ACP3: variants seen among roughly 807,000 people sequenced by gnomAD.
ACP3 encodes the protein prostatic acid phosphatase.
A neutral mutation model predicts 45.6 loss-of-function variants in ACP3; 38 were observed. That is an observed-to-expected ratio of 0.83 (90% CI 0.64 to 1.09). ACP3 has a LOEUF of 1.09. ACP3 is among the 50% of genes least tolerant of loss of function. ACP3 has a pLI of 0.00. For missense variants in ACP3, 466 were observed against 463.2 expected (o/e 1.01, Z -0.05); for synonymous variants, 162 against 164.7 (o/e 0.98, Z 0.13).
At chr3:132,361,985 T>C (rs1938048635), downstream of ACP3, among the ~76,000 whole-genome samples, 1 of 152,170 alleles carries the variant, frequency 6.6e-6, no homozygotes, top group East Asian at 1.9e-4. Flanking sequence ...CAAAACACCA[T>C]CAAGTGCTTA....
At chr3:132,351,656 T>C (rs1366853325) in intron 8 of ACP3, among the ~76,000 whole-genome samples, 2 of 152,128 alleles carry the variant, frequency 1.3e-5, no homozygotes, top group Non-Finnish European at 2.9e-5. Flanking sequence ...ATTTTCGTAG[T>C]GTCTAATCTG....
intron 2 of ACP3, among the ~76,000 whole-genome samples, chr3:132,330,366 G>A (rs1937378751): frequency 6.6e-6 from 1 of 152,100 alleles, no homozygotes; most frequent in Admixed American, 6.6e-5. Flanking sequence ...TTTAAAGTGT[G>A]GTCCCTGGAC....
rs1303324981 is a variant in ACP3 at position 132,328,070 on chromosome 3, G to C, written c.121-197G>C. Among the ~76,000 whole-genome samples the C allele has an allele frequency of 2.0e-5, 3 of 151,884 alleles. 1 individual carries two copies. Among genetic ancestry groups the C allele is most frequent in the African/African-American group, 7.3e-5 (3 of 41,300 alleles). ...AGATTTTTTAAATCCTGATGTCCTG[G>C]CCACATCCCAGACTAATTAAATAAA... is the stretch of plus-strand genomic sequence containing the variant. On this transcript the variant is annotated intron_variant, in intron 1 of 9. Coordinates refer to ENST00000336375, the MANE Select transcript of ACP3 (RefSeq NM_001099.5).
downstream of ACP3, among the ~76,000 whole-genome samples, chr3:132,360,895 C>T (rs181587361): frequency 6.6e-6 from 1 of 152,198 alleles, no homozygotes; most frequent in South Asian, 2.1e-4. Context: ...GAACCTTGTG[C>T]CTTCAATCAA....
At chr3:132,349,865 C>A in intron 7 of ACP3, 55 bp from the exon 8 acceptor site, 1 of 1,304,500 alleles carries the variant, frequency 7.7e-7, no homozygotes, top group Non-Finnish European at 1.1e-6. Flanking sequence ...AGCTAATGAA[C>A]TAAAATAGAA....
intron 10 of ACP3, among the ~76,000 whole-genome samples, chr3:132,364,190 A>C (rs1440102781): frequency 6.6e-6 from 1 of 151,852 alleles, no homozygotes; most frequent in East Asian, 1.9e-4. Context: ...CAAAAAATAC[A>C]AAAAAATTAG....
intron 8 of ACP3, among the ~76,000 whole-genome samples, chr3:132,350,714 G>A (rs980234088): frequency 3.9e-5 from 6 of 152,150 alleles, no homozygotes; most frequent in African/African-American, 1.4e-4. Flanking sequence ...GCAGCTGAAG[G>A]GCCATGTTGT....
At chr3:132,327,684 T>G (rs1007335305) in intron 1 of ACP3, among the ~76,000 whole-genome samples, 1 of 151,880 alleles carries the variant, frequency 6.6e-6, no homozygotes, top group Non-Finnish European at 1.5e-5. Context: ...CTGGGCGTGG[T>G]GGCAAGCGCC....
At chr3:132,337,678 C>G (rs1210008325) in intron 5 of ACP3, 124 bp downstream of exon 5, 1 of 583,916 alleles carries the variant, frequency 1.7e-6, no homozygotes, top group Middle Eastern at 2.7e-4. Flanking sequence ...CTGTCAGTGG[C>G]TGGTTACAGC....
rs1335777184 is a variant in ACP3 at position 132,357,185 on chromosome 3, T to A, written c.*307T>A. 5 of 1,038,808 alleles carry A rather than the reference T, an allele frequency of 4.8e-6. No individual in the cohort carries two copies. The Admixed American group carries it at 1.7e-4, about 34-fold the overall frequency. 64.3% of individuals were successfully genotyped at this position (1,038,808 alleles called of 1,614,324 possible). A position where few individuals can be genotyped will look rare whatever the true frequency, so the allele number is the denominator to read the frequency against. ...ATAGAGTTCCCATGAACTATATGAC[T>A]GGCCACACAGGATCTTTTGTATTTA... is the stretch of plus-strand genomic sequence containing the variant. On this transcript the variant is annotated 3_prime_UTR_variant, in exon 10 of 10. Transcript: ENST00000336375.
rs1937947874 is a variant in ACP3, at chr3:132,357,953, G to A, written c.*1075G>A. The A allele has an allele frequency of 5.7e-6, 1 of 174,452 alleles. No homozygotes were observed. The highest frequency in any genetic ancestry group is 2.8e-3 in the Middle Eastern group (1 of 362). 10.8% of individuals were successfully genotyped at this position (174,452 alleles called of 1,614,324 possible). ...TGGGGCTAAGGCAGGAGGATCACTT[G>A]AGCCCCGGAGGTCGAGGCTACAGTG... On this transcript the variant is annotated 3_prime_UTR_variant, in exon 10 of 10. Transcript: ENST00000336375.
At chr3:132,345,348 C>T (rs1937597686) in intron 7 of ACP3, among the ~76,000 whole-genome samples, 1 of 152,164 alleles carries the variant, frequency 6.6e-6, no homozygotes, top group Non-Finnish European at 1.5e-5. Context: ...TCACTCAAGC[C>T]CTTAGTTTTC....
chr3:132,325,457 G>C (rs35164802), intron 1 of ACP3, among the ~76,000 whole-genome samples: 8,125 of 152,224 alleles, frequency 0.053, 279 homozygotes, highest in African/African-American at 0.061. Flanking sequence ...CTGCTAAGGT[G>C]ACCACACTTG....
chr3:132,339,880 G>A (rs989139422), intron 5 of ACP3, among the ~76,000 whole-genome samples: 6 of 152,076 alleles, frequency 3.9e-5, no homozygotes, highest in Admixed American at 2.0e-4. Context: ...CTCTAATCCC[G>A]GCCTTGGCTT....
chr3:132,330,688 G>T (rs1937384354), intron 2 of ACP3, among the ~76,000 whole-genome samples: 1 of 152,140 alleles, frequency 6.6e-6, no homozygotes, highest in African/African-American at 2.4e-5. Flanking sequence ...CAAATGACAA[G>T]TGTGACAAGC....
chr3:132,362,995 C>A (rs893338341), downstream of ACP3, among the ~76,000 whole-genome samples: 3 of 152,150 alleles, frequency 2.0e-5, no homozygotes, highest in East Asian at 5.8e-4. Context: ...TATTAAGATA[C>A]AATTAATCAT....
At chr3:132,349,024 C>CACACACACACACA (rs1553733349) in intron 7 of ACP3, among the ~76,000 whole-genome samples, 1 of 152,056 alleles carries the variant, frequency 6.6e-6, no homozygotes, top group Non-Finnish European at 1.5e-5. Context: ...CCCTAACACA[C>CACACACACACACA]CCTACTGGTC....
chr3:132,322,993 A>G (rs1202111638), intron 1 of ACP3, among the ~76,000 whole-genome samples: 1 of 152,220 alleles, frequency 6.6e-6, no homozygotes, highest in Non-Finnish European at 1.5e-5. Flanking sequence ...ATGACACAGC[A>G]CAAGGCCCTC....
intron 1 of ACP3, 50 bp from the exon 2 acceptor site, chr3:132,328,216 CA>C: frequency 6.8e-7 from 1 of 1,473,068 alleles, no homozygotes; most frequent in East Asian, 2.3e-5. Context: ...TGAGCAGAAG[CA>C]AAACACCCAA....
Sources: allele counts gnomAD v4.1 joint callset (sites outside exome capture counted in the v4.1 genomes callset), GRCh38; gene constraint gnomAD v4.1.1; transcripts MANE v1.5; gene names NCBI Gene and HGNC (gene_info 2026-07-23, HGNC 2026-07-21).